Variants in UBE2W observed in about 807,000 individuals in gnomAD.
UBE2W encodes ubiquitin conjugating enzyme E2 W.
A neutral mutation model predicts 27.2 loss-of-function variants in UBE2W; 18 were observed. That is an observed-to-expected ratio of 0.66 (90% CI 0.46 to 0.98). The LOEUF (loss-of-function observed/expected upper bound fraction) is 0.98, where lower values mean the gene tolerates loss of function less well. Among genes scored for constraint, UBE2W ranks in the 50% least tolerant of loss-of-function variants. The pLI, the probability that UBE2W is intolerant of heterozygous loss-of-function variation, is 0.00. For synonymous variants in UBE2W, 53 were observed against 57.2 expected (o/e 0.93, Z 0.33); for missense variants, 90 against 180.2 (o/e 0.50, Z 2.87).
chr8:73,855,394 CTTT>C (rs66577299), intron 1 of UBE2W, among the ~76,000 whole-genome samples: 17 of 84,704 alleles, frequency 2.0e-4, no homozygotes, highest in African/African-American at 8.2e-4. Flanking sequence ...ATTCTACTTT[CTTT>C]TTTTTTTTTT....
chr8:73,817,778 G>A (rs777831700), intron 3 of UBE2W, among the ~76,000 whole-genome samples: 16 of 152,188 alleles, frequency 1.1e-4, no homozygotes, highest in Non-Finnish European at 1.8e-4. Context: ...CTCCCAAAGT[G>A]CTGGGATTAG....
chr8:73,854,732 G>T (rs555668176), intron 1 of UBE2W, among the ~76,000 whole-genome samples: 51 of 152,158 alleles, frequency 3.4e-4, no homozygotes, highest in Non-Finnish European at 5.9e-4. Flanking sequence ...TTGAGAGTTG[G>T]GGAACCAAGC....
Position 73,790,412 on chromosome 8 carries a change from G to A in UBE2W, c.*3690C>T. On this transcript the variant is annotated 3_prime_UTR_variant, in exon 6 of 6. Coordinates refer to ENST00000602593, the MANE Select transcript of UBE2W (RefSeq NM_018299.6). ...GCAGTAACGGCATTACTATAACACA[G>A]AACAGTATAGTAGCTGATTCTGATA... 2 of 985,310 alleles carry A rather than the reference G, an allele frequency of 2.0e-6. No individual in the cohort carries two copies. The highest frequency in any genetic ancestry group is 2.4e-6 in the Non-Finnish European group (2 of 829,876). The allele number at this position is 985,310 out of a possible 1,614,324, so 61.0% of individuals were successfully genotyped here. A position where few individuals can be genotyped will look rare whatever the true frequency, so the allele number is the denominator to read the frequency against.
At chr8:73,780,919 C>G (rs113414794) in intron 4 of UBE2W, among the ~76,000 whole-genome samples, 8,061 of 152,186 alleles carry the variant, frequency 0.053, 692 homozygotes, top group African/African-American at 0.18. Flanking sequence ...TCAGGGTGAT[C>G]GCTTCAAAGA....
At chr8:73,875,362 ACTTT>A (rs1812177841) in intron 1 of UBE2W, among the ~76,000 whole-genome samples, 1 of 152,106 alleles carries the variant, frequency 6.6e-6, no homozygotes, top group South Asian at 2.1e-4. Flanking sequence ...TTCAAAACTT[ACTTT>A]CTATGTGGGC....
At chr8:73,859,459 T>C (rs950553348) in intron 1 of UBE2W, among the ~76,000 whole-genome samples, 5 of 152,204 alleles carry the variant, frequency 3.3e-5, no homozygotes, top group African/African-American at 7.2e-5. Context: ...TGAGCTGAGA[T>C]TGCGCCACTG....
intron 1 of UBE2W, among the ~76,000 whole-genome samples, chr8:73,877,371 A>G (rs532068900): frequency 7.2e-5 from 11 of 152,172 alleles, no homozygotes; most frequent in East Asian, 5.8e-4. Context: ...ACCATTCGTG[A>G]TATCTCTTCA....
intron 4 of UBE2W, among the ~76,000 whole-genome samples, chr8:73,808,740 T>C (rs555918122): frequency 6.6e-6 from 1 of 152,308 alleles, no homozygotes; most frequent in South Asian, 2.1e-4. Context: ...TTAAATATTA[T>C]ACAACTATTA....
chr8:73,860,560 C>A (rs904749596), intron 1 of UBE2W, among the ~76,000 whole-genome samples: 6 of 151,784 alleles, frequency 4.0e-5, no homozygotes, highest in Non-Finnish European at 5.9e-5. Context: ...AGTGAAAAAC[C>A]CTACGAAAGA....
chr8:73,789,815 T>C lies in UBE2W; in HGVS notation c.*4287A>G, dbSNP rs1808120005. 1 of 770,114 alleles carries C rather than the reference T, an allele frequency of 1.3e-6. No individual in the cohort carries two copies. The highest frequency in any genetic ancestry group is 1.6e-6 in the Non-Finnish European group (1 of 633,810). The allele number at this position is 770,114 out of a possible 1,614,324, so 47.7% of individuals were successfully genotyped here. A position where few individuals can be genotyped will look rare whatever the true frequency, so the allele number is the denominator to read the frequency against. On this transcript the variant is annotated 3_prime_UTR_variant, in exon 6 of 6. Coordinates refer to ENST00000602593, the MANE Select transcript of UBE2W (RefSeq NM_018299.6). ...ATCGTGCACTGCACTAAAGCCCGGGTGACAGAGCAAGACTCCGTCTCAAAA... is the reference window on the plus strand; with the variant it reads ...ATCGTGCACTGCACTAAAGCCCGGGCGACAGAGCAAGACTCCGTCTCAAAA...
chr8:73,792,223 A>C lies in UBE2W; in HGVS notation c.*1879T>G. 3 of 985,752 alleles carry C rather than the reference A, an allele frequency of 3.0e-6. No homozygotes were observed. Among genetic ancestry groups the C allele is most frequent in the Non-Finnish European group, 3.6e-6 (3 of 829,832 alleles). 61.1% of individuals were successfully genotyped at this position (985,752 alleles called of 1,614,324 possible). On this transcript the variant is annotated 3_prime_UTR_variant, in exon 6 of 6. Coordinates refer to ENST00000602593, the MANE Select transcript of UBE2W (RefSeq NM_018299.6). ...AAACAGGCCAACTAATAAAACTGAC[A>C]GAGATCATTGTGAGAATTTATCTAG... is the stretch of plus-strand genomic sequence containing the variant.
intron 3 of UBE2W, among the ~76,000 whole-genome samples, chr8:73,824,806 C>T (rs1354238230): frequency 3.9e-5 from 6 of 152,220 alleles, no homozygotes; most frequent in Admixed American, 2.6e-4. Context: ...TGCTGCTCAC[C>T]TCCTGTGTGG....
chr8:73,858,218 G>A (rs970070653), intron 1 of UBE2W, among the ~76,000 whole-genome samples: 23 of 151,934 alleles, frequency 1.5e-4, no homozygotes, highest in Admixed American at 7.2e-4. Context: ...AAAATTAGTC[G>A]GGTGTGGTGG....
At position 73,792,112 on chromosome 8, in the gene UBE2W, T is replaced by C. The variant is rs1808229523; in HGVS notation, c.*1990A>G. The C allele has an allele frequency of 2.0e-6, 2 of 985,092 alleles. No individual in the cohort carries two copies. The highest frequency in any genetic ancestry group is 1.2e-4 in the Admixed American group (2 of 16,244). 61.0% of individuals were successfully genotyped at this position (985,092 alleles called of 1,614,324 possible). A position where few individuals can be genotyped will look rare whatever the true frequency, so the allele number is the denominator to read the frequency against. On this transcript the variant is annotated 3_prime_UTR_variant, in exon 6 of 6. Transcript: ENST00000602593. ...AGTAGTGTAGAGCAGTTACGCAAAA[T>C]ATGAAAATACATAATTTACAGCTGC...
chr8:73,796,603 C>T, intron 5 of UBE2W: 2 of 973,064 alleles, frequency 2.1e-6, no homozygotes, highest in South Asian at 9.5e-5. Flanking sequence ...ATGATACTAC[C>T]CACCTTTGAA....
At chr8:73,864,502 G>A (rs1811661411) in intron 1 of UBE2W, among the ~76,000 whole-genome samples, 2 of 152,056 alleles carry the variant, frequency 1.3e-5, no homozygotes, top group African/African-American at 4.8e-5. Flanking sequence ...GGAAATACAG[G>A]GTTAGATTCC....
intron 1 of UBE2W, among the ~76,000 whole-genome samples, chr8:73,838,314 CA>C (rs1236674067): frequency 6.6e-6 from 1 of 152,016 alleles, no homozygotes; most frequent in Non-Finnish European, 1.5e-5. Flanking sequence ...TGACAAATTC[CA>C]TAATTAACTA....
Position 73,787,212 on chromosome 8 carries a change from G to A in UBE2W, c.*6890C>T, listed in dbSNP as rs909400646. On this transcript the variant is annotated 3_prime_UTR_variant, in exon 6 of 6. Transcript: ENST00000602593. ...TCCCAACAGGACAGATAACCACAGT[G>A]GCTTTGAGCTTTGTTGTCCAAGTAC... The A allele has an allele frequency of 1.6e-5, 16 of 985,300 alleles. No individual in the cohort carries two copies. The highest frequency in any genetic ancestry group is 1.9e-5 in the Non-Finnish European group (16 of 829,942). The allele number at this position is 985,300 out of a possible 1,614,324, so 61.0% of individuals were successfully genotyped here. A position where few individuals can be genotyped will look rare whatever the true frequency, so the allele number is the denominator to read the frequency against.
chr8:73,793,114 G>A lies in UBE2W; in HGVS notation c.*988C>T. On this transcript the variant is annotated 3_prime_UTR_variant, in exon 6 of 6. Coordinates refer to ENST00000602593, the MANE Select transcript of UBE2W (RefSeq NM_018299.6). ...CATTCAAACTTGACTTATAACAAAA[G>A]AAACAAGATTGCAAACAAAAATGTT... 1 of 985,726 alleles carries A rather than the reference G, an allele frequency of 1.0e-6. No homozygotes were observed. Among genetic ancestry groups the A allele is most frequent in the African/African-American group, 1.7e-5 (1 of 57,342 alleles). The allele number at this position is 985,726 out of a possible 1,614,324, so 61.1% of individuals were successfully genotyped here. A position where few individuals can be genotyped will look rare whatever the true frequency, so the allele number is the denominator to read the frequency against.
Sources: gnomAD v4.1 joint callset for allele counts (sites outside exome capture counted in the v4.1 genomes callset) on GRCh38, gnomAD v4.1.1 for gene constraint, MANE v1.5 for transcripts, NCBI Gene and HGNC (gene_info 2026-07-23, HGNC 2026-07-21) for gene names.